Variants in CDK6 observed in about 807,000 individuals in gnomAD.
CDK6 encodes cyclin dependent kinase 6.
A neutral mutation model predicts 37.1 loss-of-function variants in CDK6; 6 were observed. That is an observed-to-expected ratio of 0.16 (90% CI 0.09 to 0.32). The LOEUF (loss-of-function observed/expected upper bound fraction) is 0.32, where lower values mean the gene tolerates loss of function less well. Among genes scored for constraint, CDK6 ranks in the 10% least tolerant of loss-of-function variants. The probability of loss-of-function intolerance (pLI) is 1.00; values close to 1 mark genes in which losing one functional copy is unlikely to be tolerated. For missense variants in CDK6, 224 were observed against 418.9 expected (o/e 0.53, Z 4.06); for synonymous variants, 160 against 161.3 (o/e 0.99, Z 0.06).
chr7:92,639,874 A>G (rs1439376232), intron 5 of CDK6, among the ~76,000 whole-genome samples: 1 of 152,204 alleles, frequency 6.6e-6, no homozygotes, highest in Non-Finnish European at 1.5e-5. Flanking sequence ...AATCAGCCCA[A>G]CTGTCATCAC....
At chr7:92,766,718 C>A (rs952181508) in intron 3 of CDK6, among the ~76,000 whole-genome samples, 5 of 152,172 alleles carry the variant, frequency 3.3e-5, no homozygotes, top group Non-Finnish European at 7.3e-5. Flanking sequence ...CAGAAGAGCA[C>A]TCTGCTATCT....
At position 92,821,610 on chromosome 7, in the gene CDK6, G is replaced by A. The variant is rs1801173526; in HGVS notation, c.233+11481C>T. On this transcript the variant is annotated intron_variant, in intron 2 of 7. Transcript: ENST00000424848. ...TGAAACATATCTGACAACTGACTGG[G>A]AACACCACAATTTTTTTTCTTTTCT... Among the ~76,000 whole-genome samples the A allele has an allele frequency of 2.6e-5, 4 of 151,854 alleles. No individual in the cohort carries two copies. In the South Asian group the frequency reaches 8.3e-4, roughly 32 times the overall value.
chr7:92,611,942 T>C lies in CDK6; in HGVS notation c.*3198A>G. On this transcript the variant is annotated 3_prime_UTR_variant, in exon 8 of 8. Coordinates refer to ENST00000424848, the MANE Select transcript of CDK6 (RefSeq NM_001145306.2). The stretch of plus-strand genomic sequence containing the variant: ...CCAAGCTTTCTTCCAAAACAGGTTC[T>C]TTGCACCTTGAGTTCCCATCCACTT... 2 of 232,920 alleles carry C rather than the reference T, an allele frequency of 8.6e-6. No individual in the cohort carries two copies. Among genetic ancestry groups the C allele is most frequent in the Non-Finnish European group, 1.7e-5 (2 of 117,804 alleles). The allele number at this position is 232,920 out of a possible 1,614,324, so 14.4% of individuals were successfully genotyped here.
intron 4 of CDK6, among the ~76,000 whole-genome samples, chr7:92,680,714 C>T (rs1040999030): frequency 2.0e-5 from 3 of 152,102 alleles, no homozygotes; most frequent in South Asian, 2.1e-4. Flanking sequence ...CCACTGGCTC[C>T]CTTTAGATAT....
rs961245275 is a variant in CDK6 at position 92,608,270 on chromosome 7, G to C, written c.*6870C>G. The C allele has an allele frequency of 7.8e-5, 18 of 232,002 alleles. No individual in the cohort carries two copies. In the Admixed American group the frequency reaches 9.6e-4, roughly 12 times the overall value. 14.4% of individuals were successfully genotyped at this position (232,002 alleles called of 1,614,324 possible). ...TCCTAAAATTGAGAAAGGGTTATTT[G>C]TGTGACCAAACAACTCACACGGAAG... On this transcript the variant is annotated 3_prime_UTR_variant, in exon 8 of 8. Coordinates refer to ENST00000424848, the MANE Select transcript of CDK6 (RefSeq NM_001145306.2).
At chr7:92,688,581 TCACA>T (rs35953301) in intron 4 of CDK6, among the ~76,000 whole-genome samples, 11,089 of 127,426 alleles carry the variant, frequency 0.087, 602 homozygotes, top group East Asian at 0.24. Context: ...TACATATACA[TCACA>T]CACACACACA....
intron 4 of CDK6, among the ~76,000 whole-genome samples, chr7:92,700,849 G>C (rs1364384898): frequency 6.6e-6 from 1 of 152,240 alleles, no homozygotes; most frequent in Non-Finnish European, 1.5e-5. Flanking sequence ...ATAACGAATA[G>C]AGAAGCATGC....
intron 3 of CDK6, among the ~76,000 whole-genome samples, chr7:92,762,885 T>C (rs1799492879): frequency 6.6e-6 from 1 of 152,174 alleles, no homozygotes; most frequent in South Asian, 2.1e-4. Flanking sequence ...ACATCTTAAA[T>C]TGAGGATAGC....
chr7:92,812,776 A>C (rs2115947817), intron 2 of CDK6, among the ~76,000 whole-genome samples: 1 of 152,296 alleles, frequency 6.6e-6, no homozygotes, highest in African/African-American at 2.4e-5. Flanking sequence ...CAAGGATATC[A>C]TATATTGAAT....
intron 2 of CDK6, among the ~76,000 whole-genome samples, chr7:92,824,074 T>A (rs181122828): frequency 2.0e-5 from 3 of 151,828 alleles, no homozygotes; most frequent in African/African-American, 7.2e-5. Context: ...AAATGAATGT[T>A]TTTTTTTAAT....
chr7:92,791,250 T>A (rs1274843730), intron 2 of CDK6, among the ~76,000 whole-genome samples: 1 of 152,248 alleles, frequency 6.6e-6, no homozygotes, highest in African/African-American at 2.4e-5. Context: ...GGTGCCACCC[T>A]CATGAGATAC....
chr7:92,790,669 CAT>C (rs1468442745), intron 2 of CDK6, among the ~76,000 whole-genome samples: 3 of 152,108 alleles, frequency 2.0e-5, no homozygotes, highest in Non-Finnish European at 2.9e-5. Context: ...AGTGTATACA[CAT>C]ATACTTATTC....
intron 2 of CDK6, among the ~76,000 whole-genome samples, chr7:92,784,119 T>C (rs1276407912): frequency 2.6e-5 from 4 of 151,684 alleles, no homozygotes; most frequent in Non-Finnish European, 5.9e-5. Flanking sequence ...AGAAGGCATA[T>C]CATAAAATGC....
intron 5 of CDK6, among the ~76,000 whole-genome samples, chr7:92,660,782 C>A (rs1346854159): frequency 6.6e-6 from 1 of 152,008 alleles, no homozygotes; most frequent in Non-Finnish European, 1.5e-5. Context: ...GAGGACCCAG[C>A]TGGGGGGCTG....
intron 3 of CDK6, among the ~76,000 whole-genome samples, chr7:92,726,879 T>C (rs1036411612): frequency 2.6e-5 from 4 of 152,302 alleles, no homozygotes; most frequent in Admixed American, 1.3e-4. Flanking sequence ...GTCTGTAAAA[T>C]GGGACAGTAA....
chr7:92,699,281 G>T (rs1562939600), intron 4 of CDK6, among the ~76,000 whole-genome samples: 1 of 152,142 alleles, frequency 6.6e-6, no homozygotes, highest in Non-Finnish European at 1.5e-5. Context: ...GTACTAGGAA[G>T]TCCTCTACTC....
intron 5 of CDK6, among the ~76,000 whole-genome samples, chr7:92,659,016 C>G (rs1796773231): frequency 6.6e-6 from 1 of 152,216 alleles, no homozygotes; most frequent in Admixed American, 6.5e-5. Context: ...GCATCAATAT[C>G]AGCTTGGCTG....
At chr7:92,652,340 C>G (rs919212597) in intron 5 of CDK6, among the ~76,000 whole-genome samples, 1 of 152,148 alleles carries the variant, frequency 6.6e-6, no homozygotes, top group East Asian at 1.9e-4. Flanking sequence ...CTCCATTTTA[C>G]GTCTTTATAA....
chr7:92,660,624 T>C (rs1269737203), intron 5 of CDK6, among the ~76,000 whole-genome samples: 2 of 152,108 alleles, frequency 1.3e-5, no homozygotes, highest in Non-Finnish European at 2.9e-5. Flanking sequence ...GGGAGACAGA[T>C]TGGCAGGTTA....
Sources: allele counts gnomAD v4.1 joint callset (sites outside exome capture counted in the v4.1 genomes callset), GRCh38; gene constraint gnomAD v4.1.1; transcripts MANE v1.5; gene names NCBI Gene and HGNC (gene_info 2026-07-23, HGNC 2026-07-21).